The following TMED3 variants were observed in gnomAD, a reference collection of about 807,000 sequenced individuals.
TMED3 encodes the protein transmembrane emp24 domain-containing protein 3.
A neutral mutation model predicts 15.0 loss-of-function variants in TMED3; 9 were observed. That is an observed-to-expected ratio of 0.60 (90% CI 0.36 to 1.04). TMED3 has a LOEUF of 1.04. TMED3 is among the 50% of genes least tolerant of loss of function. The probability of loss-of-function intolerance (pLI) is 0.01; values close to 1 mark genes in which losing one functional copy is unlikely to be tolerated. For synonymous variants in TMED3, 117 were observed against 121.4 expected (o/e 0.96, Z 0.24); for missense variants, 267 against 278.9 (o/e 0.96, Z 0.30).
At chr15:79,320,590 T>C (rs2058762075) in intron 2 of TMED3, among the ~76,000 whole-genome samples, 1 of 151,970 alleles carries the variant, frequency 6.6e-6, no homozygotes. Flanking sequence ...CTGAAGTGAG[T>C]GTCTGGTGCA....
At chr15:79,398,695 C>T (rs1893794865) in intron 2 of TMED3, among the ~76,000 whole-genome samples, 1 of 140,676 alleles carries the variant, frequency 7.1e-6, no homozygotes, top group South Asian at 2.2e-4. Context: ...ATCTGCTTTA[C>T]TCAGTCCACC....
chr15:79,391,620 T>G (rs367933400), intron 2 of TMED3, among the ~76,000 whole-genome samples: 1 of 152,206 alleles, frequency 6.6e-6, no homozygotes, highest in East Asian at 1.9e-4. Context: ...ATCCATTGTT[T>G]CTTTGTTGAC....
chr15:79,362,367 T>G (rs62025979), intron 2 of TMED3, among the ~76,000 whole-genome samples: 16,960 of 151,352 alleles, frequency 0.11, 1,337 homozygotes, highest in East Asian at 0.41. Flanking sequence ...TCTTCCTGAG[T>G]TCCAGCTACT....
At chr15:79,370,992 C>T (rs984986711) in intron 2 of TMED3, among the ~76,000 whole-genome samples, 1 of 152,204 alleles carries the variant, frequency 6.6e-6, no homozygotes, top group Non-Finnish European at 1.5e-5. Flanking sequence ...GCCAACTTCT[C>T]CAGAGAGGCA....
intron 2 of TMED3, among the ~76,000 whole-genome samples, chr15:79,394,242 G>A (rs187963121): frequency 1.2e-4 from 18 of 152,094 alleles, no homozygotes; most frequent in Non-Finnish European, 2.2e-4. Flanking sequence ...ATTCGAAAAG[G>A]CATACTTTAA....
chr15:79,345,750 T>G (rs550984779), intron 2 of TMED3, among the ~76,000 whole-genome samples: 1 of 152,366 alleles, frequency 6.6e-6, no homozygotes, highest in South Asian at 2.1e-4. Flanking sequence ...ATGGTTGAAC[T>G]AATTTACATT....
chr15:79,324,378 T>C (rs2058780054), downstream of TMED3, among the ~76,000 whole-genome samples: 1 of 152,110 alleles, frequency 6.6e-6, no homozygotes, highest in Admixed American at 6.5e-5. Flanking sequence ...TATAGAGAAA[T>C]ACAATAGGGT....
At chr15:79,406,298 C>A (rs1397860279) in intron 2 of TMED3, among the ~76,000 whole-genome samples, 6 of 152,136 alleles carry the variant, frequency 3.9e-5, no homozygotes, top group Non-Finnish European at 7.3e-5. Context: ...TCTCCATAGA[C>A]CCGGAAATGA....
At chr15:79,394,327 G>A (rs1029176699) in intron 2 of TMED3, among the ~76,000 whole-genome samples, 5 of 152,234 alleles carry the variant, frequency 3.3e-5, no homozygotes, top group African/African-American at 4.8e-5. Flanking sequence ...TTTGCAGAAC[G>A]CCCACCATTC....
chr15:79,391,759 G>A (rs1224034124), intron 2 of TMED3, among the ~76,000 whole-genome samples: 1 of 152,024 alleles, frequency 6.6e-6, no homozygotes, highest in African/African-American at 2.4e-5. Context: ...AAATTTCGGA[G>A]CGCCAGTGTT....
At chr15:79,332,397 C>T (rs900335824) in intron 2 of TMED3, among the ~76,000 whole-genome samples, 20 of 152,210 alleles carry the variant, frequency 1.3e-4, no homozygotes, top group East Asian at 3.8e-4. Flanking sequence ...CTGGCCAATG[C>T]GAAACTCTTC....
intron 2 of TMED3, among the ~76,000 whole-genome samples, chr15:79,353,140 AAAAATATAT>A (rs2058900180): frequency 1.9e-5 from 1 of 52,128 alleles, no homozygotes; most frequent in Admixed American, 2.7e-4. Flanking sequence ...AAAATATATA[AAAAATATAT>A]AAAATATATA....
chr15:79,389,055 T>C (rs977072022), intron 2 of TMED3, among the ~76,000 whole-genome samples: 5 of 152,210 alleles, frequency 3.3e-5, no homozygotes, highest in African/African-American at 1.2e-4. Context: ...TTTACTCTGC[T>C]GACTGTTCCT....
intron 2 of TMED3, among the ~76,000 whole-genome samples, chr15:79,405,618 A>G (rs1203654070): frequency 6.6e-6 from 1 of 152,212 alleles, no homozygotes; most frequent in Non-Finnish European, 1.5e-5. Flanking sequence ...GAATGCCTGG[A>G]AGCATCACCA....
intron 2 of TMED3, among the ~76,000 whole-genome samples, chr15:79,330,799 T>TA (rs1328975933): frequency 5.3e-5 from 8 of 152,300 alleles, no homozygotes; most frequent in Non-Finnish European, 7.4e-5. Flanking sequence ...AAAGCTGTAG[T>TA]AACCAAAACA....
intron 2 of TMED3, 133 bp downstream of exon 2, chr15:79,314,138 C>G (rs1596048048): frequency 8.2e-7 from 1 of 1,214,784 alleles, no homozygotes; most frequent in South Asian, 1.6e-5. Flanking sequence ...TTGGTTTTGT[C>G]TCTTTCTTCA....
At position 79,317,010 on chromosome 15, in the gene TMED3, T is replaced by C. The variant is rs2058743210; in HGVS notation, c.417+3005T>C. On this transcript the variant is annotated intron_variant, in intron 2 of 2. Coordinates refer to ENST00000299705, the MANE Select transcript of TMED3 (RefSeq NM_007364.4). ...GTGAGCATCCAGGTAGCTGTGATTCTTGGGGATGATTCTCGGGGATGTATT... is the reference window on the plus strand; with the variant it reads ...GTGAGCATCCAGGTAGCTGTGATTCCTGGGGATGATTCTCGGGGATGTATT... 5.9e-5 allele frequency among the ~76,000 whole-genome samples: 9 copies of C among 152,228 alleles called. No homozygotes were observed. The South Asian group carries it at 1.9e-3, about 32-fold the overall frequency.
At chr15:79,410,180 C>A (rs960043926) in intron 2 of TMED3, among the ~76,000 whole-genome samples, 1 of 152,118 alleles carries the variant, frequency 6.6e-6, no homozygotes, top group Admixed American at 6.5e-5. Context: ...GCCCATAATT[C>A]TATATGCTTA....
chr15:79,357,941 G>A (rs1315072334), intron 2 of TMED3, among the ~76,000 whole-genome samples: 2 of 152,168 alleles, frequency 1.3e-5, no homozygotes, highest in African/African-American at 2.4e-5. Context: ...CAATTGCTCT[G>A]TTTGAAAATT....
Sources: allele counts gnomAD v4.1 joint callset (sites outside exome capture counted in the v4.1 genomes callset), GRCh38; gene constraint gnomAD v4.1.1; transcripts MANE v1.5; gene names NCBI Gene and HGNC (gene_info 2026-07-23, HGNC 2026-07-21).